SLC39A6: variants seen among roughly 807,000 people sequenced by gnomAD.
The protein encoded by SLC39A6 is solute carrier family 39 member 6.
A neutral mutation model predicts 63.5 loss-of-function variants in SLC39A6; 51 were observed. The ratio of observed to expected loss-of-function variants is 0.80; its 90% confidence interval spans 0.64 to 1.01. The LOEUF is 1.01. SLC39A6 is among the 50% of genes least tolerant of loss of function. The pLI is 0.00. For synonymous variants in SLC39A6, 318 were observed against 324.7 expected, an observed-to-expected ratio of 0.98 and a Z score of 0.22; for missense variants, 805 against 927.8, an observed-to-expected ratio of 0.87 and a Z score of 1.72.
Position 36,109,749 on chromosome 18 carries a change from T to A in SLC39A6, c.2116-4A>T, listed in dbSNP as rs1323104566. The A allele has an allele frequency of 1.3e-6, 2 of 1,583,336 alleles. No individual in the cohort carries two copies. The highest frequency in any genetic ancestry group is 1.7e-6 in the Non-Finnish European group (2 of 1,170,222). On this transcript the variant is annotated splice_polypyrimidine_tract_variant and splice_region_variant and intron_variant, in intron 9 of 9. Coordinates refer to ENST00000269187, the MANE Select transcript of SLC39A6 (RefSeq NM_012319.4). Reference sequence around the variant, plus strand: ...CATTGTGCAGCATTTCAGGTACCTTTAAAAAAAAGTAAGGGAAAATAAGAG... The same window carrying A: ...CATTGTGCAGCATTTCAGGTACCTTAAAAAAAAAGTAAGGGAAAATAAGAG...
At chr18:36,117,858 C>T (rs985152436) in intron 5 of SLC39A6, among the ~76,000 whole-genome samples, 5 of 151,966 alleles carry the variant, frequency 3.3e-5, no homozygotes, top group Non-Finnish European at 7.4e-5. Context: ...GGTGAAACCC[C>T]GTCTCTACTA....
Position 36,122,052 on chromosome 18 carries a change from C to T in SLC39A6, c.1359G>A (p.Lys453=). Residue 453 remains lysine (K), a splice_region_variant and synonymous_variant, in exon 5 of 10, where the codon AAG becomes AAA. Coordinates refer to ENST00000269187, the MANE Select transcript of SLC39A6 (RefSeq NM_012319.4). The stretch of plus-strand genomic sequence containing the variant: ...AAGTACTCGGTATACTTTTTCTTAC[C>T]TTTTTCTTCTTATCTTTAAATTGTT... ...LIKQFKDKKK[K]NQKKPENDDD... is the part of the protein sequence containing the mutation. 1 of 1,598,904 alleles carries T rather than the reference C, an allele frequency of 6.3e-7. No individual in the cohort carries two copies. The highest frequency in any genetic ancestry group is 1.7e-5 in the Admixed American group (1 of 59,080).
At chr18:36,126,138 ACTC>A (rs1411774959) in intron 2 of SLC39A6, 78 bp downstream of exon 2, 15 of 1,307,412 alleles carry the variant, frequency 1.1e-5, no homozygotes, top group Non-Finnish European at 1.6e-5. Flanking sequence ...TTTACTTTAA[ACTC>A]CTCATAACTA....
intron 2 of SLC39A6, among the ~76,000 whole-genome samples, chr18:36,125,079 C>A (rs577455875): frequency 6.6e-6 from 1 of 152,296 alleles, no homozygotes; most frequent in South Asian, 2.1e-4. Flanking sequence ...TGCTTCAGTA[C>A]TAACGCTATC....
intron 5 of SLC39A6, among the ~76,000 whole-genome samples, chr18:36,117,194 G>A (rs1035385205): frequency 2.0e-5 from 3 of 152,144 alleles, no homozygotes; most frequent in African/African-American, 4.8e-5. Context: ...CCAAGATCGT[G>A]CCACTGCACT....
At chr18:36,115,350 G>C (rs192036727) in intron 6 of SLC39A6, among the ~76,000 whole-genome samples, 3 of 151,902 alleles carry the variant, frequency 2.0e-5, no homozygotes, top group African/African-American at 7.3e-5. Flanking sequence ...GCTGAGGCAG[G>C]AGAATGGCGT....
Position 36,126,807 on chromosome 18 carries a change from A to G in SLC39A6, c.201T>C (p.Asn67=). The G allele has an allele frequency of 6.2e-7, 1 of 1,614,142 alleles. No homozygotes were observed. Among genetic ancestry groups the G allele is most frequent in the Non-Finnish European group, 8.5e-7 (1 of 1,180,032 alleles). The change falls in exon 2 of 10, where the codon AAT becomes AAC. Residue 67 remains asparagine (N), a synonymous_variant. Transcript: ENST00000269187. ...TGAACCCTTCAACTGACAAAGAATTATTTTCTCCATAGCGGTAGAAAAGCT... is the reference window on the plus strand; with the variant it reads ...TGAACCCTTCAACTGACAAAGAATTGTTTTCTCCATAGCGGTAGAAAAGCT... ...LQQLFYRYGE[N]NSLSVEGFRK...
In SLC39A6 at chr18:36,112,524, C is replaced by G. The variant is rs201008586; in HGVS notation, c.1901G>C (p.Cys634Ser). The change falls in exon 8 of 10, where the codon TGT (cysteine) becomes TCT (serine). Residue 634 changes from cysteine (C) to serine (S), a missense_variant. Transcript: ENST00000269187. ...ACCTAATTCATGAGGCAACTCATGA[C>G]AGAACACAGCAACAGAAGTACTTAA... ...SGLSTSVAVF[C>S]HELPHELGDF... 292 of 1,613,468 alleles carry G rather than the reference C, an allele frequency of 1.8e-4. 2 individuals carry two copies. The highest frequency in any genetic ancestry group is 1.7e-5 in the Non-Finnish European group (20 of 1,179,596).
Position 36,123,769 on chromosome 18 carries a change from G to A in SLC39A6, c.971-105C>T, listed in dbSNP as rs2089413242. On this transcript the variant is annotated intron_variant, in intron 3 of 9. Coordinates refer to ENST00000269187, the MANE Select transcript of SLC39A6 (RefSeq NM_012319.4). ...TAAAGCAACACGTAAAAGGAGAGAA[G>A]CTAAAAACACACAAATTCAATGCAA... 12 of 1,120,290 alleles carry A rather than the reference G, an allele frequency of 1.1e-5. No individual in the cohort carries two copies. The South Asian group carries it at 1.6e-4, about 15-fold the overall frequency. 69.4% of individuals were successfully genotyped at this position (1,120,290 alleles called of 1,614,324 possible).
At chr18:36,122,939 G>T (rs2144509549) in intron 4 of SLC39A6, among the ~76,000 whole-genome samples, 1 of 152,286 alleles carries the variant, frequency 6.6e-6, no homozygotes, top group East Asian at 1.9e-4. Flanking sequence ...GGTATGGTGT[G>T]ATTTCCTTTT....
chr18:36,126,333 A>C lies in SLC39A6; in HGVS notation c.675T>G (p.Ser225Arg). 3 of 1,614,200 alleles carry C rather than the reference A, an allele frequency of 1.9e-6. No homozygotes were observed. In the East Asian group the frequency reaches 6.7e-5, roughly 36 times the overall value. ...GGCTCACCCGGCTCTTTGATGTGAC[A>C]CTGGGTGGAGTGGAGCTGCTTACAT... is the stretch of plus-strand genomic sequence containing the variant. ...PKDVSSSTPPSVTSKSRVSRL... is the reference protein window; with the variant it reads ...PKDVSSSTPPRVTSKSRVSRL... The change falls in exon 2 of 10, where the codon AGT (serine) becomes AGG (arginine). Residue 225 changes from serine to arginine, a missense_variant. Transcript: ENST00000269187.
At position 36,126,907 on chromosome 18, in the gene SLC39A6, T is replaced by C; in HGVS notation, c.101A>G (p.Glu34Gly). ...AGATTCCCAATTCGGACTAATTTTC[T>C]CAGTGGTCTGGGGGAAAGCAGCTGC... The part of the protein sequence containing the change: ...LKAAAFPQTT[E>G]KISPNWESGI... The change falls in exon 2 of 10, where the codon GAG becomes GGG. Residue 34 changes from glutamate (E) to glycine (G), a missense_variant. Glu to Gly is a moderately conservative substitution (Grantham distance 98). Around this residue, in one of 4 missense-constraint regions of SLC39A6, gnomAD observed 639 missense variants for 644.0 expected, o/e 0.99. Transcript: ENST00000269187. 3 of 1,614,216 alleles carry C rather than the reference T, an allele frequency of 1.9e-6. No individual in the cohort carries two copies. The highest frequency in any genetic ancestry group is 2.5e-6 in the Non-Finnish European group (3 of 1,180,038).
At position 36,123,492 on chromosome 18, in the gene SLC39A6, T is replaced by A; in HGVS notation, c.1140+3A>T. ...CACTAACAGGACAAATTACTATACT[T>A]ACATGTGGAAGAAGGTGTAAAAAAG... On this transcript the variant is annotated splice_donor_region_variant and intron_variant, in intron 4 of 9. Transcript: ENST00000269187. The A allele has an allele frequency of 6.2e-7, 1 of 1,606,396 alleles. No homozygotes were observed. Among genetic ancestry groups the A allele is most frequent in the Non-Finnish European group, 8.5e-7 (1 of 1,177,746 alleles).
At chr18:36,127,761 T>G (rs1389033376) in intron 1 of SLC39A6, among the ~76,000 whole-genome samples, 1 of 32,048 alleles carries the variant, frequency 3.1e-5, no homozygotes, top group African/African-American at 5.2e-5. Flanking sequence ...ACATGTATAC[T>G]TAATTTTTTT....
Position 36,129,298 on chromosome 18 carries a change from G to A in SLC39A6, c.-194C>T, listed in dbSNP as rs2089499387. On this transcript the variant is annotated 5_prime_UTR_variant, in exon 1 of 10. Coordinates refer to ENST00000269187, the MANE Select transcript of SLC39A6 (RefSeq NM_012319.4). ...GGGGGCAGCGCCGCGCAGCCACCCG[G>A]CAGCCGCGCCCCTAGCCTTCGCGAA... is the stretch of plus-strand genomic sequence containing the variant. 6.3e-6 allele frequency: 1 copy of A among 159,288 alleles called. No homozygotes were observed. The highest frequency in any genetic ancestry group is 1.7e-4 in the South Asian group (1 of 5,964). 9.9% of individuals were successfully genotyped at this position (159,288 alleles called of 1,614,324 possible).
intron 6 of SLC39A6, among the ~76,000 whole-genome samples, chr18:36,115,492 A>AACAACAACC (rs954162387): frequency 6.9e-5 from 10 of 145,264 alleles, no homozygotes; most frequent in African/African-American, 2.3e-4. Context: ...CAACAACAAC[A>AACAACAACC]ACCATATATC....
intron 4 of SLC39A6, among the ~76,000 whole-genome samples, chr18:36,122,861 C>T (rs1461644088): frequency 6.6e-6 from 1 of 152,182 alleles, no homozygotes. Context: ...TCTGGTGGTC[C>T]GAGAGCTTGT....
chr18:36,109,863 G>A (rs2144495490), intron 9 of SLC39A6, 118 bp from the exon 10 acceptor site: 1 of 734,842 alleles, frequency 1.4e-6, no homozygotes, highest in Non-Finnish European at 2.3e-6. Flanking sequence ...GATATACTGT[G>A]AGTTAATTCC....
chr18:36,123,675 A>C lies in SLC39A6; in HGVS notation c.971-11T>G. The C allele has an allele frequency of 1.3e-6, 2 of 1,588,188 alleles. No homozygotes were observed. The highest frequency in any genetic ancestry group is 1.7e-6 in the Non-Finnish European group (2 of 1,173,010). On this transcript the variant is annotated splice_polypyrimidine_tract_variant and intron_variant, in intron 3 of 9. Transcript: ENST00000269187. ...AACCACCAACCCAGGCTGTCAAACAAAACAAAACAGAGCAAAGAAAAATTA... is the reference window on the plus strand; with the variant it reads ...AACCACCAACCCAGGCTGTCAAACACAACAAAACAGAGCAAAGAAAAATTA...
Sources: allele counts gnomAD v4.1 joint callset (sites outside exome capture counted in the v4.1 genomes callset), GRCh38; gene constraint gnomAD v4.1.1; regional missense constraint gnomAD v4.1.1; transcripts MANE v1.5; gene names NCBI Gene and HGNC (gene_info 2026-07-23, HGNC 2026-07-21).